Variants in CACNA1E observed in about 807,000 individuals in gnomAD.
CACNA1E encodes voltage-dependent R-type calcium channel subunit alpha-1E.
In CACNA1E, 40 loss-of-function variants were observed where a neutral mutation model predicts 259.2. The observed-to-expected ratio is 0.15, with a 90% confidence interval of 0.12 to 0.20. The LOEUF (loss-of-function observed/expected upper bound fraction) is 0.20. Ranked by LOEUF, CACNA1E falls within the 10% of genes least tolerant of loss-of-function variation. The pLI is 1.00. For missense variants in CACNA1E, 1,874 were observed against 3,040.1 expected (o/e 0.62, Z 9.02); for synonymous variants, 1,104 against 1,138.5 (o/e 0.97, Z 0.61).
At chr1:181,532,047 C>A (rs941511947) in intron 3 of CACNA1E, among the ~76,000 whole-genome samples, 3 of 152,044 alleles carry the variant, frequency 2.0e-5, no homozygotes, top group Non-Finnish European at 4.4e-5. Flanking sequence ...CAGAGTGAAA[C>A]TTCATCTCAA....
At chr1:181,558,970 C>G (rs1027660770) in intron 3 of CACNA1E, among the ~76,000 whole-genome samples, 5 of 152,156 alleles carry the variant, frequency 3.3e-5, no homozygotes, top group African/African-American at 1.2e-4. Flanking sequence ...TAAGTTGAGA[C>G]CTGGAAGATG....
intron 6 of CACNA1E, among the ~76,000 whole-genome samples, chr1:181,645,924 A>G (rs961061544): frequency 6.6e-6 from 1 of 152,186 alleles, no homozygotes; most frequent in Non-Finnish European, 1.5e-5. Flanking sequence ...TTGGTGCTGG[A>G]GGAAATGGGA....
In CACNA1E at chr1:181,719,790, T is replaced by C; in HGVS notation, c.1678T>C (p.Phe560Leu). 1 of 1,605,914 alleles carries C rather than the reference T, an allele frequency of 6.2e-7. No individual in the cohort carries two copies. Among genetic ancestry groups the C allele is most frequent in the Admixed American group, 1.7e-5 (1 of 59,144 alleles). Residue 560 changes from phenylalanine to leucine, a missense_variant, in exon 13 of 48, where the codon TTC (phenylalanine) becomes CTC (leucine). Phe to Leu is a conservative substitution (Grantham distance 22). This residue lies in a region of CACNA1E where 102 missense variants were observed against 279.4 expected (regional missense o/e 0.37). Coordinates refer to ENST00000367573, the MANE Select transcript of CACNA1E (RefSeq NM_001205293.3). Reference protein sequence around the residue: ...GSIFEVVWAIFRPGTSFGISV... With the variant: ...GSIFEVVWAILRPGTSFGISV... ...TATCTTTGAAGTGGTCTGGGCAATCTTCAGACCTGGTACGTCTTTTGGAAT... is the reference window on the plus strand; with the variant it reads ...TATCTTTGAAGTGGTCTGGGCAATCCTCAGACCTGGTACGTCTTTTGGAAT...
At chr1:181,730,060 A>G (rs1353060366) in intron 18 of CACNA1E, among the ~76,000 whole-genome samples, 1 of 152,156 alleles carries the variant, frequency 6.6e-6, no homozygotes, top group East Asian at 1.9e-4. Context: ...GGGTGGCCAC[A>G]CACATGTGCA....
At chr1:181,508,898 G>T (rs1665940844) in intron 1 of CACNA1E, among the ~76,000 whole-genome samples, 1 of 152,270 alleles carries the variant, frequency 6.6e-6, no homozygotes, top group South Asian at 2.1e-4. Context: ...CAATGGACAG[G>T]CTCTGAAGTC....
chr1:181,401,811 T>C (rs1657120328), intron 1 of CACNA1E, among the ~76,000 whole-genome samples: 2 of 152,234 alleles, frequency 1.3e-5, no homozygotes, highest in South Asian at 4.1e-4. Flanking sequence ...ATTGGATCTT[T>C]CTTATGCCTG....
intron 1 of CACNA1E, among the ~76,000 whole-genome samples, chr1:181,377,798 T>C (rs1655199434): frequency 6.6e-6 from 1 of 152,206 alleles, no homozygotes; most frequent in African/African-American, 2.4e-5. Context: ...TGAGGTTAAA[T>C]GACTTGCCCA....
At chr1:181,755,927 GCT>G in intron 28 of CACNA1E, 27 bp from the exon 29 acceptor site, 1 of 1,606,418 alleles carries the variant, frequency 6.2e-7, no homozygotes, top group Non-Finnish European at 8.5e-7. Context: ...TAGTGAGGAG[GCT>G]CTCTTTCATT....
intron 3 of CACNA1E, among the ~76,000 whole-genome samples, chr1:181,576,070 C>T (rs1427147980): frequency 1.3e-5 from 2 of 152,172 alleles, no homozygotes; most frequent in African/African-American, 4.8e-5. Flanking sequence ...TGGAAGACTC[C>T]ACTGCCCCAA....
rs752660333 is a variant in CACNA1E, at chr1:181,732,785, G to T, written c.2699G>T (p.Gly900Val). The change falls in exon 20 of 48, where the codon GGG (glycine) becomes GTG (valine). Residue 900 changes from glycine (G) to valine (V), a missense_variant. Physicochemically the swap from Gly to Val is moderately radical, Grantham distance 109 (BLOSUM62 -3). This residue lies in a region of CACNA1E where 476 missense variants were observed against 514.0 expected (regional missense o/e 0.93). Transcript: ENST00000367573. This position sits in a 1 kb window ranked among gnomAD's most constrained non-coding sequence, Gnocchi z 5.5. ...TGTGACCCGACTCAGCAGGAGGCAGGGGGAGGAGAGGCTGTGGTGACCTTT... is the reference window on the plus strand; with the variant it reads ...TGTGACCCGACTCAGCAGGAGGCAGTGGGAGGAGAGGCTGTGGTGACCTTT... ...GNCDPTQQEA[G>V]GGEAVVTFED... The T allele has an allele frequency of 4.4e-6, 7 of 1,594,214 alleles. No homozygotes were observed. The highest frequency in any genetic ancestry group is 5.1e-6 in the Non-Finnish European group (6 of 1,169,776).
intron 1 of CACNA1E, among the ~76,000 whole-genome samples, chr1:181,484,310 C>T (rs1663581285): frequency 6.6e-6 from 1 of 152,216 alleles, no homozygotes; most frequent in Non-Finnish European, 1.5e-5. Context: ...CCTCCCCACC[C>T]CTACTCCCTT....
intron 1 of CACNA1E, among the ~76,000 whole-genome samples, chr1:181,509,954 C>G (rs1262788585): frequency 6.6e-6 from 1 of 152,182 alleles, no homozygotes; most frequent in African/African-American, 2.4e-5. Flanking sequence ...AGATGTTCTT[C>G]TGTTACTCAG....
intron 1 of CACNA1E, among the ~76,000 whole-genome samples, chr1:181,320,001 A>G (rs913030855): frequency 1.3e-5 from 2 of 152,216 alleles, no homozygotes; most frequent in African/African-American, 4.8e-5. Flanking sequence ...CAGGGATGAC[A>G]AACTGAGAGT....
At chr1:181,781,893 C>G (rs1660461031) in intron 39 of CACNA1E, among the ~76,000 whole-genome samples, 1 of 152,186 alleles carries the variant, frequency 6.6e-6, no homozygotes, top group South Asian at 2.1e-4. Context: ...TACAGCAAAA[C>G]AGCTATCAGT....
intron 1 of CACNA1E, among the ~76,000 whole-genome samples, chr1:181,370,124 TA>T (rs953770566): frequency 9.9e-5 from 15 of 150,864 alleles, no homozygotes; most frequent in South Asian, 8.4e-4. Flanking sequence ...GGGGTGTGGT[TA>T]AAAAAAAACA....
intron 25 of CACNA1E, among the ~76,000 whole-genome samples, chr1:181,742,867 G>C (rs10910985): frequency 0.52 from 79,054 of 152,048 alleles, 21,448 homozygotes; most frequent in East Asian, 0.74. Context: ...ATAATGTAAA[G>C]CTGGAAAATT....
intron 45 of CACNA1E, 74 bp from the exon 46 acceptor site, chr1:181,794,790 G>T (rs971559758): frequency 2.0e-5 from 28 of 1,391,646 alleles, no homozygotes; most frequent in African/African-American, 2.9e-5. Context: ...TCTCAGTCTT[G>T]CTGCTTCTGT....
rs1002260942 is a variant in CACNA1E at position 181,805,995 on chromosome 1, G to A, written c.*7161G>A. 3.3e-5 allele frequency: 5 copies of A among 152,234 alleles called. No homozygotes were observed. Among genetic ancestry groups the A allele is most frequent in the Admixed American group, 6.5e-5 (1 of 15,286 alleles). 9.4% of individuals were successfully genotyped at this position (152,234 alleles called of 1,614,324 possible). A position where few individuals can be genotyped will look rare whatever the true frequency, so the allele number is the denominator to read the frequency against. On this transcript the variant is annotated 3_prime_UTR_variant, in exon 48 of 48. Transcript: ENST00000367573. ...GGGTAAACTTCTTAGCACAAGACTGGATTAAGAGAAGTTCTTTCTGTTAAA... is the reference window on the plus strand; with the variant it reads ...GGGTAAACTTCTTAGCACAAGACTGAATTAAGAGAAGTTCTTTCTGTTAAA...
At chr1:181,535,680 T>C (rs1004561838) in intron 3 of CACNA1E, among the ~76,000 whole-genome samples, 1 of 151,720 alleles carries the variant, frequency 6.6e-6, no homozygotes, top group Admixed American at 6.6e-5. Context: ...AATATCAACA[T>C]GATTATTTCT....
Sources: allele counts gnomAD v4.1 joint callset (sites outside exome capture counted in the v4.1 genomes callset), GRCh38; gene constraint gnomAD v4.1.1; regional missense constraint gnomAD v4.1.1; non-coding constraint Gnocchi (gnomAD v3.1); transcripts MANE v1.5; gene names NCBI Gene and HGNC (gene_info 2026-07-23, HGNC 2026-07-21).